EFNA5: variants seen among roughly 807,000 people sequenced by gnomAD.
EFNA5 encodes ephrin-A5.
A neutral mutation model predicts 22.9 loss-of-function variants in EFNA5; 5 were observed. That is an observed-to-expected ratio of 0.22 (90% CI 0.11 to 0.46). The LOEUF is 0.46. Among genes scored for constraint, EFNA5 ranks in the 20% least tolerant of loss-of-function variants. The pLI is 0.99. For synonymous variants in EFNA5, 113 were observed against 112.2 expected (o/e 1.01, Z -0.04); for missense variants, 237 against 293.3 (o/e 0.81, Z 1.40).
At chr5:107,402,707 C>T (rs149282165) in intron 2 of EFNA5, among the ~76,000 whole-genome samples, 1 of 152,318 alleles carries the variant, frequency 6.6e-6, no homozygotes, top group African/African-American at 2.4e-5. Context: ...TATTTCATTA[C>T]ATTTATTATA....
At chr5:107,521,403 A>G (rs1747592759) in intron 1 of EFNA5, among the ~76,000 whole-genome samples, 1 of 146,722 alleles carries the variant, frequency 6.8e-6, no homozygotes, top group Non-Finnish European at 1.5e-5. Flanking sequence ...TGATCCTCCT[A>G]CCTCTCAGCC....
At chr5:107,414,771 C>A (rs1330328211) in intron 2 of EFNA5, among the ~76,000 whole-genome samples, 1 of 152,086 alleles carries the variant, frequency 6.6e-6, no homozygotes, top group Admixed American at 6.5e-5. Context: ...TTTGATTAAA[C>A]TAATAATCTA....
intron 1 of EFNA5, among the ~76,000 whole-genome samples, chr5:107,466,647 T>C (rs1431514132): frequency 4.6e-5 from 7 of 152,176 alleles, no homozygotes; most frequent in Non-Finnish European, 1.0e-4. Context: ...GTTAATGAAG[T>C]CAGATCTCCT....
intron 1 of EFNA5, among the ~76,000 whole-genome samples, chr5:107,548,891 C>T (rs533602950): frequency 6.6e-6 from 1 of 152,228 alleles, no homozygotes; most frequent in East Asian, 1.9e-4. Context: ...TTGCTCTAGA[C>T]GAGATTAAGA....
At chr5:107,484,175 T>C (rs1750555343) in intron 1 of EFNA5, among the ~76,000 whole-genome samples, 1 of 152,190 alleles carries the variant, frequency 6.6e-6, no homozygotes, top group Non-Finnish European at 1.5e-5. Flanking sequence ...ACTCTGCAAC[T>C]GCTGAACACC....
At chr5:107,614,219 G>C (rs994615450) in intron 1 of EFNA5, among the ~76,000 whole-genome samples, 1 of 152,026 alleles carries the variant, frequency 6.6e-6, no homozygotes, top group African/African-American at 2.4e-5. Flanking sequence ...CCAGGCATAA[G>C]ACAAAACTGG....
intron 1 of EFNA5, among the ~76,000 whole-genome samples, chr5:107,469,168 T>C (rs1750069766): frequency 6.6e-6 from 1 of 152,116 alleles, no homozygotes; most frequent in African/African-American, 2.4e-5. Context: ...ACCAGGCCCT[T>C]TTGAACACTG....
chr5:107,495,428 G>T lies in EFNA5; in HGVS notation c.126-67919C>A, dbSNP rs186816322. Among the ~76,000 whole-genome samples the T allele has an allele frequency of 1.1e-3, 174 of 152,260 alleles. 1 individual carries two copies. The highest frequency in any genetic ancestry group is 4.1e-3 in the African/African-American group (172 of 41,552). ...ATCAGAAGGAACAAACTCCAGACGC[G>T]CCACCTTAAGAGCTGTAACGCTCAT... is the stretch of plus-strand genomic sequence containing the variant. On this transcript the variant is annotated intron_variant, in intron 1 of 4. Transcript: ENST00000333274.
intron 1 of EFNA5, among the ~76,000 whole-genome samples, chr5:107,670,272 G>A (rs1049865907): frequency 2.0e-5 from 3 of 151,978 alleles, no homozygotes; most frequent in African/African-American, 7.3e-5. Context: ...GCAGCCCCGG[G>A]GACTCCCAGG....
At chr5:107,593,307 C>T (rs1749413681) in intron 1 of EFNA5, among the ~76,000 whole-genome samples, 1 of 152,218 alleles carries the variant, frequency 6.6e-6, no homozygotes, top group Non-Finnish European at 1.5e-5. Context: ...CAGGACCGGA[C>T]TTCAGTATCC....
chr5:107,422,720 C>T (rs1748705074), intron 2 of EFNA5, among the ~76,000 whole-genome samples: 1 of 152,112 alleles, frequency 6.6e-6, no homozygotes, highest in African/African-American at 2.4e-5. Flanking sequence ...CATGGAGGAC[C>T]TTGCTGGCCA....
chr5:107,660,306 A>ATATATCTATATC (rs1750925538), intron 1 of EFNA5, among the ~76,000 whole-genome samples: 1 of 96,824 alleles, frequency 1.0e-5, no homozygotes, highest in Non-Finnish European at 2.1e-5. Context: ...ATATATATAT[A>ATATATCTATATC]TATATATATT....
chr5:107,385,327 A>G (rs1490304174), intron 4 of EFNA5, among the ~76,000 whole-genome samples: 6 of 152,180 alleles, frequency 3.9e-5, no homozygotes, highest in African/African-American at 1.4e-4. Flanking sequence ...ACCAGAGAAA[A>G]ATATGCAATC....
At chr5:107,492,336 G>C (rs1405671901) in intron 1 of EFNA5, among the ~76,000 whole-genome samples, 1 of 152,088 alleles carries the variant, frequency 6.6e-6, no homozygotes, top group Non-Finnish European at 1.5e-5. Context: ...ACACTGTTAA[G>C]AAACAGTTAT....
intron 1 of EFNA5, among the ~76,000 whole-genome samples, chr5:107,588,491 G>T (rs1271365774): frequency 6.6e-6 from 1 of 152,144 alleles, no homozygotes; most frequent in Non-Finnish European, 1.5e-5. Context: ...GTTTCATCAG[G>T]CCATCCTGTT....
rs145580454 is a variant in EFNA5 at position 107,533,432 on chromosome 5, G to T, written c.126-105923C>A. On this transcript the variant is annotated intron_variant, in intron 1 of 4. Coordinates refer to ENST00000333274, the MANE Select transcript of EFNA5 (RefSeq NM_001962.3). ...GAAGCTAAAGAGGTAATCCACTCCTGAAAAAGCCCAGAAGAATAACTATAA... is the reference window on the plus strand; with the variant it reads ...GAAGCTAAAGAGGTAATCCACTCCTTAAAAAGCCCAGAAGAATAACTATAA... 4.6e-5 allele frequency among the ~76,000 whole-genome samples: 7 copies of T among 152,256 alleles called. No homozygotes were observed. In the East Asian group the frequency reaches 1.4e-3, roughly 29 times the overall value.
At chr5:107,419,401 G>A (rs753135106) in intron 2 of EFNA5, among the ~76,000 whole-genome samples, 20 of 152,080 alleles carry the variant, frequency 1.3e-4, no homozygotes, top group Non-Finnish European at 2.5e-4. Flanking sequence ...TATACAAAGC[G>A]AATAGAAGGA....
At chr5:107,479,529 G>T (rs1482239685) in intron 1 of EFNA5, among the ~76,000 whole-genome samples, 2 of 152,032 alleles carry the variant, frequency 1.3e-5, no homozygotes, top group African/African-American at 4.8e-5. Flanking sequence ...GTCGCTGTGG[G>T]TTTTGAGGTT....
chr5:107,659,174 A>C (rs1236904197), intron 1 of EFNA5, among the ~76,000 whole-genome samples: 1 of 152,168 alleles, frequency 6.6e-6, no homozygotes, highest in Non-Finnish European at 1.5e-5. Context: ...TAACTTTTAG[A>C]TATTCAATAT....
Sources: allele counts gnomAD v4.1 joint callset (sites outside exome capture counted in the v4.1 genomes callset), GRCh38; gene constraint gnomAD v4.1.1; transcripts MANE v1.5; gene names NCBI Gene and HGNC (gene_info 2026-07-23, HGNC 2026-07-21).